Variants in ZNF407 observed in about 807,000 individuals in gnomAD.
The protein encoded by ZNF407 is zinc finger protein 407.
In ZNF407, 17 loss-of-function variants were observed where a neutral mutation model predicts 131.2. The ratio of observed to expected loss-of-function variants is 0.13; its 90% CI spans 0.09 to 0.19. The LOEUF is 0.19. ZNF407 is among the 10% of genes least tolerant of loss of function. The pLI is 1.00. For missense variants in ZNF407, 2,681 were observed against 2,830.6 expected (o/e 0.95, Z 1.20); for synonymous variants, 1,156 against 1,062.0 (o/e 1.09, Z -1.72).
chr18:74,950,996 C>T (rs1028256812), intron 8 of ZNF407, among the ~76,000 whole-genome samples: 1 of 151,778 alleles, frequency 6.6e-6, no homozygotes, highest in African/African-American at 2.4e-5. Flanking sequence ...TTTTCAGATG[C>T]AACTTTTTTT....
At chr18:74,667,462 A>G (rs995765370) in intron 3 of ZNF407, among the ~76,000 whole-genome samples, 1 of 152,192 alleles carries the variant, frequency 6.6e-6, no homozygotes, top group African/African-American at 2.4e-5. Context: ...TATGGTAACA[A>G]TGACAGCAGC....
chr18:74,843,045 T>C (rs1005104778), intron 4 of ZNF407, among the ~76,000 whole-genome samples: 14 of 152,186 alleles, frequency 9.2e-5, no homozygotes, highest in African/African-American at 3.1e-4. Flanking sequence ...TAACTTTTCA[T>C]GGGCTCTATA....
intron 8 of ZNF407, among the ~76,000 whole-genome samples, chr18:74,939,262 A>T (rs1049125323): frequency 6.6e-6 from 1 of 152,214 alleles, no homozygotes; most frequent in African/African-American, 2.4e-5. Flanking sequence ...AGAAATATTG[A>T]AATATTACAC....
intron 8 of ZNF407, among the ~76,000 whole-genome samples, chr18:74,923,211 A>G (rs1258838820): frequency 1.3e-5 from 2 of 152,150 alleles, no homozygotes; most frequent in Non-Finnish European, 2.9e-5. Context: ...AAGAAACACA[A>G]GACAAAAGTG....
chr18:74,674,529 C>T (rs1248865903), intron 3 of ZNF407, among the ~76,000 whole-genome samples: 1 of 152,198 alleles, frequency 6.6e-6, no homozygotes, highest in Non-Finnish European at 1.5e-5. Context: ...GCTTCTCTGA[C>T]ACCATAGTAT....
Position 74,635,864 on chromosome 18 carries a change from CACTT to C in ZNF407, c.4687+160_4687+163del, listed in dbSNP as rs1320617288. On this transcript the variant is annotated intron_variant, in intron 2 of 8. Coordinates refer to ENST00000299687, the MANE Select transcript of ZNF407 (RefSeq NM_017757.3). The surrounding 1 kb of genome is among the most constrained non-coding windows in gnomAD (Gnocchi z 4.7). The stretch of plus-strand genomic sequence containing the variant: ...CTTGTCTGCAATAAGTCATTGTTGA[CACTT>C]AACATTTTTAAGGGTAATTAAGCCC... 1.8e-4 allele frequency among the ~76,000 whole-genome samples: 28 copies of C among 152,240 alleles called. No individual in the cohort carries two copies. The East Asian group carries it at 5.4e-3, about 29-fold the overall frequency.
chr18:74,723,738 C>G (rs1330033569), intron 3 of ZNF407, among the ~76,000 whole-genome samples: 1 of 152,142 alleles, frequency 6.6e-6, no homozygotes, highest in African/African-American at 2.4e-5. Flanking sequence ...CTGATGCCTT[C>G]TCTCAGACAG....
At chr18:75,042,160 C>G (rs989718761) in intron 8 of ZNF407, among the ~76,000 whole-genome samples, 1 of 151,914 alleles carries the variant, frequency 6.6e-6, no homozygotes, top group African/African-American at 2.4e-5. Flanking sequence ...CTTGGCCTCC[C>G]AAAGTGCTGG....
Position 75,063,684 on chromosome 18 carries a change from C to T in ZNF407, c.5963C>T (p.Ala1988Val). The change falls in exon 9 of 9, where the codon GCC becomes GTC. Residue 1988 changes from alanine (A) to valine (V), a missense_variant. Transcript: ENST00000299687. This position sits in a 1 kb window ranked among gnomAD's most constrained non-coding sequence, Gnocchi z 6.6. ...GTCGCTCCCCCCGAGGCATCCTCAGCCCTGGATGCATTGCTCTGTGCGGTC... is the reference window on the plus strand; with the variant it reads ...GTCGCTCCCCCCGAGGCATCCTCAGTCCTGGATGCATTGCTCTGTGCGGTC... ...AGVAPPEASS[A>V]LDALLCAVTE... 2 of 1,611,276 alleles carry T rather than the reference C, an allele frequency of 1.2e-6. No homozygotes were observed. Among genetic ancestry groups the T allele is most frequent in the Non-Finnish European group, 1.7e-6 (2 of 1,179,384 alleles).
intron 8 of ZNF407, among the ~76,000 whole-genome samples, chr18:74,932,058 TC>T (rs1450049048): frequency 1.3e-5 from 2 of 152,176 alleles, no homozygotes; most frequent in Non-Finnish European, 2.9e-5. Context: ...ATTAGTTTTT[TC>T]CTTTATGCTC....
chr18:75,055,010 T>G (rs1236133154), intron 8 of ZNF407, among the ~76,000 whole-genome samples: 1 of 152,178 alleles, frequency 6.6e-6, no homozygotes, highest in Non-Finnish European at 1.5e-5. Flanking sequence ...CCAGGGTGTC[T>G]CCAAGAGGGA....
chr18:74,748,638 G>T (rs1968726614), intron 3 of ZNF407, among the ~76,000 whole-genome samples: 1 of 151,998 alleles, frequency 6.6e-6, no homozygotes. Context: ...AAAATGAAAA[G>T]AATTTTAATT....
At chr18:74,890,223 A>G (rs757129024) in intron 7 of ZNF407, among the ~76,000 whole-genome samples, 185 bp downstream of exon 7, 3 of 152,214 alleles carry the variant, frequency 2.0e-5, no homozygotes, top group African/African-American at 2.4e-5. Flanking sequence ...CAGGTTCACA[A>G]TAAAATTGAG....
At chr18:74,892,109 C>A (rs922898903) in intron 7 of ZNF407, among the ~76,000 whole-genome samples, 1 of 152,142 alleles carries the variant, frequency 6.6e-6, no homozygotes, top group Non-Finnish European at 1.5e-5. Flanking sequence ...TCATTATAAT[C>A]TATATTTACT....
intron 4 of ZNF407, among the ~76,000 whole-genome samples, chr18:74,816,574 T>C (rs1018857243): frequency 1.2e-4 from 18 of 152,340 alleles, no homozygotes; most frequent in Middle Eastern, 6.8e-3. Context: ...GGCATTTTGT[T>C]TGGTGGCTTT....
At chr18:74,756,155 G>A (rs950029662) in intron 3 of ZNF407, among the ~76,000 whole-genome samples, 1 of 151,802 alleles carries the variant, frequency 6.6e-6, no homozygotes, top group Non-Finnish European at 1.5e-5. Flanking sequence ...GCCTCCCAAA[G>A]TCCTGGCATT....
intron 3 of ZNF407, among the ~76,000 whole-genome samples, chr18:74,756,702 C>T (rs1187034739): frequency 6.6e-6 from 1 of 151,678 alleles, no homozygotes; most frequent in East Asian, 1.9e-4. Context: ...TCAGGATCTT[C>T]TGTGTACAAG....
Position 75,063,840 on chromosome 18 carries a change from T to C in ZNF407, c.6119T>C (p.Ile2040Thr), listed in dbSNP as rs368924395. 1 of 1,607,814 alleles carries C rather than the reference T, an allele frequency of 6.2e-7. No individual in the cohort carries two copies. The highest frequency in any genetic ancestry group is 8.5e-7 in the Non-Finnish European group (1 of 1,178,696). The change falls in exon 9 of 9, where the codon ATC becomes ACC. Residue 2040 changes from isoleucine to threonine, a missense_variant. By Grantham distance (89) the Ile-to-Thr change is moderately conservative. Transcript: ENST00000299687. The surrounding 1 kb of genome is among the most constrained non-coding windows in gnomAD (Gnocchi z 6.6). ...GCTGCCGACCCCGAGGCCCCCGAGA[T>C]CCAGATGTTCCCACAGGCCCAGGAG... ...HVAADPEAPE[I>T]QMFPQAQESP...
rs760458518 is a variant in ZNF407 at position 74,635,532 on chromosome 18, A to G, written c.4513A>G (p.Ile1505Val). ...TTCTGAACAGAATTTATTTTTACAT[A>G]TTAAAGGACAGCATGAGGAATTGCT... ...FDSEQNLFLHIKGQHEELLRE... is the reference protein window; with the variant it reads ...FDSEQNLFLHVKGQHEELLRE... Residue 1505 changes from isoleucine to valine, a missense_variant, in exon 2 of 9, where the codon ATT becomes GTT. Ile to Val is a conservative substitution (Grantham distance 29). Coordinates refer to ENST00000299687, the MANE Select transcript of ZNF407 (RefSeq NM_017757.3). This position sits in a 1 kb window ranked among gnomAD's most constrained non-coding sequence, Gnocchi z 4.7. The G allele has an allele frequency of 6.2e-7, 1 of 1,613,292 alleles. No individual in the cohort carries two copies. The highest frequency in any genetic ancestry group is 8.5e-7 in the Non-Finnish European group (1 of 1,179,506).
Sources: gnomAD v4.1 joint callset for allele counts (sites outside exome capture counted in the v4.1 genomes callset) on GRCh38, gnomAD v4.1.1 for gene constraint, Gnocchi (gnomAD v3.1) non-coding constraint, MANE v1.5 for transcripts, NCBI Gene and HGNC (gene_info 2026-07-23, HGNC 2026-07-21) for gene names.